The following CFAP44 variants were observed in gnomAD, a reference collection of about 807,000 sequenced individuals.
The protein encoded by CFAP44 is cilia- and flagella-associated protein 44.
Under a neutral mutation model 216.2 loss-of-function variants are expected in CFAP44, and 134 were observed. The ratio of observed to expected loss-of-function variants is 0.62; its 90% CI spans 0.54 to 0.72. CFAP44 has a LOEUF of 0.72. CFAP44 is among the 30% of genes least tolerant of loss of function. CFAP44 has a pLI of 0.00. For synonymous variants in CFAP44, 700 were observed against 727.6 expected (o/e 0.96, Z 0.61); for missense variants, 2,035 against 2,182.1 (o/e 0.93, Z 1.34).
At position 113,338,255 on chromosome 3, in the gene CFAP44, C is replaced by CAAAAAAAA. The variant is rs10574877; in HGVS notation, c.3437+3481_3437+3488dup. Reference sequence around the variant, plus strand: ...CTGGACAACACACGAGACAATGTCTCAAAAAAAAAAAAAAAAAAAAAAAAA... The same window carrying CAAAAAAAA: ...CTGGACAACACACGAGACAATGTCTCAAAAAAAAAAAAAAAAAAAAAAAAAAAAAAAAA... On this transcript the variant is annotated intron_variant, in intron 24 of 34. Coordinates refer to ENST00000393845, the MANE Select transcript of CFAP44 (RefSeq NM_001164496.2). 1.1e-3 allele frequency among the ~76,000 whole-genome samples: 48 copies of CAAAAAAAA among 43,048 alleles called. 3 individuals are homozygous for CAAAAAAAA. Among genetic ancestry groups the CAAAAAAAA allele is most frequent in the East Asian group, 2.4e-3 (3 of 1,226 alleles). The allele number at this position is 43,048 out of a possible 152,430, so 28.2% of individuals were successfully genotyped here. A position where few individuals can be genotyped will look rare whatever the true frequency, so the allele number is the denominator to read the frequency against.
intron 1 of CFAP44, among the ~76,000 whole-genome samples, chr3:113,440,146 C>T (rs1251230422): frequency 6.6e-6 from 1 of 152,228 alleles, no homozygotes; most frequent in African/African-American, 2.4e-5. Context: ...TCACCGCAAA[C>T]TCCACCTCCC....
intron 22 of CFAP44, among the ~76,000 whole-genome samples, chr3:113,350,902 G>C (rs931293631): frequency 1.3e-5 from 2 of 152,240 alleles, no homozygotes; most frequent in African/African-American, 4.8e-5. Context: ...TTTACTAACA[G>C]GGGATCTAGG....
At chr3:113,316,658 C>T (rs997820456) in intron 28 of CFAP44, among the ~76,000 whole-genome samples, 2 of 152,056 alleles carry the variant, frequency 1.3e-5, no homozygotes, top group African/African-American at 4.8e-5. Context: ...CACTTGAGGT[C>T]AGGACTTTGA....
intron 28 of CFAP44, among the ~76,000 whole-genome samples, chr3:113,310,892 G>GT (rs1950031445): frequency 6.6e-6 from 1 of 152,202 alleles, no homozygotes; most frequent in African/African-American, 2.4e-5. Flanking sequence ...GGCTTCTGAT[G>GT]TGAGTTAAAG....
intron 24 of CFAP44, among the ~76,000 whole-genome samples, chr3:113,335,076 G>A (rs555527179): frequency 1.3e-5 from 2 of 152,126 alleles, no homozygotes; most frequent in East Asian, 1.9e-4. Flanking sequence ...AAAAAGGAAG[G>A]AAAGAAAAAG....
intron 32 of CFAP44, among the ~76,000 whole-genome samples, chr3:113,298,409 G>T (rs904432098): frequency 3.9e-5 from 6 of 152,200 alleles, no homozygotes; most frequent in African/African-American, 1.4e-4. Context: ...TAGAGATGGA[G>T]AAAGGCAACA....
At chr3:113,420,983 T>G (rs1934801454) in intron 4 of CFAP44, among the ~76,000 whole-genome samples, 1 of 151,920 alleles carries the variant, frequency 6.6e-6, no homozygotes, top group Non-Finnish European at 1.5e-5. Context: ...ATTGTACTAA[T>G]TCAAAATAGA....
chr3:113,291,389 T>C lies in CFAP44; in HGVS notation c.*168A>G, dbSNP rs759543525. ...TTGGGTGCTGCAGTCAGTTCTAAGA[T>C]AACCAAATTGTAGAGAGATTCTTAA... is the stretch of plus-strand genomic sequence containing the variant. On this transcript the variant is annotated 3_prime_UTR_variant, in exon 35 of 35. Transcript: ENST00000393845. The C allele has an allele frequency of 4.1e-5, 32 of 782,976 alleles. No homozygotes were observed. The highest frequency in any genetic ancestry group is 5.9e-5 in the Non-Finnish European group (30 of 506,242). The allele number at this position is 782,976 out of a possible 1,614,324, so 48.5% of individuals were successfully genotyped here.
At chr3:113,433,762 C>G (rs1395664789) in intron 1 of CFAP44, 93 bp from the exon 2 acceptor site, 1 of 974,466 alleles carries the variant, frequency 1.0e-6, no homozygotes, top group Non-Finnish European at 1.6e-6. Flanking sequence ...CACCAAACAC[C>G]ATGTGTGTCA....
intron 16 of CFAP44, 26 bp downstream of exon 16, chr3:113,380,873 G>A: frequency 6.6e-7 from 1 of 1,507,584 alleles, no homozygotes; most frequent in Middle Eastern, 1.8e-4. Flanking sequence ...ATTATTATAA[G>A]ATAATGCTTC....
chr3:113,293,034 T>C (rs1468857730), intron 34 of CFAP44, among the ~76,000 whole-genome samples: 1 of 152,224 alleles, frequency 6.6e-6, no homozygotes, highest in Non-Finnish European at 1.5e-5. Flanking sequence ...CCAAAGCGTG[T>C]AGTCATCTCC....
At chr3:113,388,237 G>A (rs1030940185) in intron 15 of CFAP44, among the ~76,000 whole-genome samples, 7 of 152,132 alleles carry the variant, frequency 4.6e-5, no homozygotes, top group Non-Finnish European at 1.0e-4. Flanking sequence ...GCAAGACTCG[G>A]TGCTATTCTG....
At chr3:113,441,018 A>G (rs1192212702) in intron 1 of CFAP44, among the ~76,000 whole-genome samples, 2 of 152,240 alleles carry the variant, frequency 1.3e-5, no homozygotes, top group Non-Finnish European at 2.9e-5. Flanking sequence ...CTGTTTAATA[A>G]TAACTCCATG....
chr3:113,363,118 T>C, intron 21 of CFAP44, 27 bp downstream of exon 21: 1 of 1,518,796 alleles, frequency 6.6e-7, no homozygotes, highest in South Asian at 1.4e-5. Context: ...TATGTTAAAA[T>C]AAAAATCAAG....
In CFAP44 at chr3:113,359,979, G is replaced by T. The variant is rs138892747; in HGVS notation, c.2935-1104C>A. Reference sequence around the variant, plus strand: ...GATAAATTATAGAAATAGAAGCACAGACAATCAAATTATACATGCATCTAC... The same window carrying T: ...GATAAATTATAGAAATAGAAGCACATACAATCAAATTATACATGCATCTAC... On this transcript the variant is annotated intron_variant, in intron 21 of 34. Coordinates refer to ENST00000393845, the MANE Select transcript of CFAP44 (RefSeq NM_001164496.2). Among the ~76,000 whole-genome samples, 20 of 151,606 alleles carry T rather than the reference G, an allele frequency of 1.3e-4. No individual in the cohort carries two copies. In the East Asian group the frequency reaches 3.1e-3, roughly 23 times the overall value.
Position 113,404,768 on chromosome 3 carries a change from CTAT to C in CFAP44, c.1006-755_1006-753del, listed in dbSNP as rs1934233203. ...CCATATGGGCCAATGATAGCCCTGA[CTAT>C]TATTATCCCCATTTTACAGAGGAGA... On this transcript the variant is annotated intron_variant, in intron 8 of 34. Coordinates refer to ENST00000393845, the MANE Select transcript of CFAP44 (RefSeq NM_001164496.2). 3.3e-5 allele frequency among the ~76,000 whole-genome samples: 5 copies of C among 152,234 alleles called. No individual in the cohort carries two copies. In the South Asian group the frequency reaches 1.0e-3, roughly 32 times the overall value.
intron 18 of CFAP44, among the ~76,000 whole-genome samples, chr3:113,371,676 A>C (rs1933171460): frequency 6.6e-6 from 1 of 152,224 alleles, no homozygotes; most frequent in Admixed American, 6.5e-5. Flanking sequence ...ATGGGCAAAG[A>C]CTTCACGTCT....
At chr3:113,390,262 T>C (rs368941955) in intron 15 of CFAP44, among the ~76,000 whole-genome samples, 16 of 152,314 alleles carry the variant, frequency 1.1e-4, no homozygotes, top group African/African-American at 3.4e-4. Context: ...ACCATTTCAA[T>C]TGATGCTGAA....
chr3:113,398,687 A>T (rs1934058034), intron 13 of CFAP44, among the ~76,000 whole-genome samples: 1 of 152,130 alleles, frequency 6.6e-6, no homozygotes, highest in Non-Finnish European at 1.5e-5. Context: ...TCTCTTTCTG[A>T]TCTTGATCCC....
Sources: gnomAD v4.1 joint callset for allele counts (sites outside exome capture counted in the v4.1 genomes callset) on GRCh38, gnomAD v4.1.1 for gene constraint, MANE v1.5 for transcripts, NCBI Gene and HGNC (gene_info 2026-07-23, HGNC 2026-07-21) for gene names.